The following PSD3 variants were observed in gnomAD, a reference collection of about 807,000 sequenced individuals.
The protein encoded by PSD3 is pleckstrin and Sec7 domain containing 3.
PSD3 carries 49 observed loss-of-function variants against 105.5 expected under a neutral mutation model. The observed-to-expected ratio is 0.46, with a 90% confidence interval of 0.37 to 0.59. The LOEUF (loss-of-function observed/expected upper bound fraction) is 0.59. Ranked by LOEUF, PSD3 falls within the 20% of genes least tolerant of loss-of-function variation. The pLI is 0.00. For missense variants in PSD3, 1,561 were observed against 1,263.8 expected, an observed-to-expected ratio of 1.24 and a Z score of -3.57; for synonymous variants, 557 against 457.8, an observed-to-expected ratio of 1.22 and a Z score of -2.77.
intron 9 of PSD3, among the ~76,000 whole-genome samples, chr8:18,735,374 T>C (rs1042201266): frequency 5.3e-5 from 8 of 152,142 alleles, no homozygotes; most frequent in Admixed American, 1.3e-4. Flanking sequence ...AGAATGGTCA[T>C]TGAGATACTC....
At chr8:18,950,954 T>G (rs1300003291) in intron 1 of PSD3, among the ~76,000 whole-genome samples, 1 of 152,158 alleles carries the variant, frequency 6.6e-6, no homozygotes, top group East Asian at 1.9e-4. Flanking sequence ...GGGGTGCTTG[T>G]GGATAAACTG....
chr8:18,853,892 C>A (rs1815788761), intron 4 of PSD3, among the ~76,000 whole-genome samples: 1 of 152,046 alleles, frequency 6.6e-6, no homozygotes, highest in Non-Finnish European at 1.5e-5. Context: ...CATTGTAGAC[C>A]CTGTAATAAA....
At chr8:18,549,017 C>T (rs7017991) in intron 15 of PSD3, among the ~76,000 whole-genome samples, 1 of 152,060 alleles carries the variant, frequency 6.6e-6, no homozygotes, top group East Asian at 1.9e-4. Context: ...TCTCAGGGAG[C>T]CAGACACTCA....
chr8:18,677,634 A>G lies in PSD3; in HGVS notation c.2173-21949T>C, dbSNP rs186323120. Among the ~76,000 whole-genome samples the G allele has an allele frequency of 7.2e-4, 109 of 152,326 alleles. 1 individual carries two copies. The highest frequency in any genetic ancestry group is 2.9e-5 in the Non-Finnish European group (2 of 68,030). Reference sequence around the variant, plus strand: ...TATCGATAATATGAAAATGATACAGATAATGATAATCTGTAGAACTACGTC... The same window carrying G: ...TATCGATAATATGAAAATGATACAGGTAATGATAATCTGTAGAACTACGTC... On this transcript the variant is annotated intron_variant, in intron 9 of 15. Coordinates refer to ENST00000327040, the MANE Select transcript of PSD3 (RefSeq NM_015310.4).
intron 10 of PSD3, among the ~76,000 whole-genome samples, chr8:18,637,524 G>C (rs1272752273): frequency 6.6e-6 from 1 of 152,046 alleles, no homozygotes. Flanking sequence ...CTATAGTTCT[G>C]CCTTTTCCAG....
intron 1 of PSD3, among the ~76,000 whole-genome samples, chr8:18,949,853 C>T (rs1468433512): frequency 7.1e-6 from 1 of 140,774 alleles, no homozygotes; most frequent in Non-Finnish European, 1.6e-5. Flanking sequence ...AACACTATCT[C>T]TCGTCTTGAT....
chr8:18,760,878 G>T (rs140266181), intron 9 of PSD3, among the ~76,000 whole-genome samples: 346 of 152,086 alleles, frequency 2.3e-3, no homozygotes, highest in African/African-American at 7.8e-3. Flanking sequence ...TCAGACCAAC[G>T]CCTCTCCATT....
At chr8:18,789,093 T>C (rs998897079) in intron 8 of PSD3, among the ~76,000 whole-genome samples, 1 of 152,078 alleles carries the variant, frequency 6.6e-6, no homozygotes, top group African/African-American at 2.4e-5. Context: ...TATAATATCC[T>C]GCCTTTGAAA....
At chr8:18,611,972 A>T (rs527872868) in intron 11 of PSD3, among the ~76,000 whole-genome samples, 12 of 152,228 alleles carry the variant, frequency 7.9e-5, no homozygotes, top group Non-Finnish European at 1.0e-4. Context: ...CCTTTCTCAC[A>T]CAAAGACTTG....
chr8:18,752,528 A>T (rs1480674457), intron 9 of PSD3, among the ~76,000 whole-genome samples: 1,626 of 49,256 alleles, frequency 0.033, 91 homozygotes, highest in African/African-American at 0.16. Flanking sequence ...TAATATATAT[A>T]ATTATATATT....
intron 14 of PSD3, among the ~76,000 whole-genome samples, chr8:18,564,448 G>T (rs949042789): frequency 1.3e-5 from 2 of 152,056 alleles, no homozygotes; most frequent in African/African-American, 4.8e-5. Flanking sequence ...GGCCAACATG[G>T]TGAAACCCCG....
At chr8:18,792,184 A>C (rs1411654235) in intron 8 of PSD3, among the ~76,000 whole-genome samples, 1 of 152,210 alleles carries the variant, frequency 6.6e-6, no homozygotes, top group Non-Finnish European at 1.5e-5. Flanking sequence ...AGAACCAGAA[A>C]TACCATTTGA....
chr8:18,993,981 T>C lies in PSD3; in HGVS notation c.21+19582A>G, dbSNP rs529240645. Reference sequence around the variant, plus strand: ...AGCAAATGTATGTATCACTGACATGTGCTGAGAAGGCAGTCTGGCACAGAG... The same window carrying C: ...AGCAAATGTATGTATCACTGACATGCGCTGAGAAGGCAGTCTGGCACAGAG... On this transcript the variant is annotated intron_variant, in intron 1 of 15. Coordinates refer to ENST00000327040, the MANE Select transcript of PSD3 (RefSeq NM_015310.4). 2.6e-5 allele frequency among the ~76,000 whole-genome samples: 4 copies of C among 152,160 alleles called. No homozygotes were observed. The South Asian group carries it at 8.4e-4, about 32-fold the overall frequency.
chr8:18,558,382 T>C (rs181283069), intron 14 of PSD3, among the ~76,000 whole-genome samples: 219 of 152,296 alleles, frequency 1.4e-3, no homozygotes, highest in African/African-American at 5.1e-3. Context: ...AAAAGTCATA[T>C]TGAATGATAT....
At chr8:18,848,854 ATTC>A (rs1586215149) in intron 4 of PSD3, among the ~76,000 whole-genome samples, 1 of 152,212 alleles carries the variant, frequency 6.6e-6, no homozygotes, top group East Asian at 1.9e-4. Context: ...GGCAACTGCC[ATTC>A]TTTGGCTACA....
intron 1 of PSD3, among the ~76,000 whole-genome samples, chr8:18,990,949 C>T (rs945736722): frequency 1.3e-5 from 2 of 152,074 alleles, no homozygotes; most frequent in African/African-American, 2.4e-5. Flanking sequence ...GTTAAAAGGA[C>T]CAGATGATCC....
chr8:18,833,441 T>A (rs956800223), intron 4 of PSD3, among the ~76,000 whole-genome samples: 6 of 152,206 alleles, frequency 3.9e-5, no homozygotes, highest in Non-Finnish European at 8.8e-5. Context: ...AATAATCAGA[T>A]AACTAAATAT....
chr8:18,813,650 A>G (rs751974563), intron 4 of PSD3, among the ~76,000 whole-genome samples: 3 of 152,242 alleles, frequency 2.0e-5, no homozygotes, highest in Non-Finnish European at 4.4e-5. Flanking sequence ...AGAAGATGCC[A>G]AAAGCAATTA....
chr8:18,590,145 A>T (rs1425081041), intron 12 of PSD3, among the ~76,000 whole-genome samples: 1 of 152,256 alleles, frequency 6.6e-6, no homozygotes, highest in Non-Finnish European at 1.5e-5. Flanking sequence ...GGCTAGTTTT[A>T]AAAAAGAATA....
Sources: gnomAD v4.1 joint callset for allele counts (sites outside exome capture counted in the v4.1 genomes callset) on GRCh38, gnomAD v4.1.1 for gene constraint, MANE v1.5 for transcripts, NCBI Gene and HGNC (gene_info 2026-07-23, HGNC 2026-07-21) for gene names.